Variants in GPRIN3 observed in about 807,000 individuals in gnomAD.
The protein encoded by GPRIN3 is GPRIN family member 3, also known as G protein-regulated inducer of neurite outgrowth 3.
GPRIN3 carries 12 observed loss-of-function variants against 13.7 expected under a neutral mutation model. The observed-to-expected ratio is 0.87, with a 90% CI of 0.56 to 1.42. The LOEUF (loss-of-function observed/expected upper bound fraction) is 1.42, where lower values mean the gene tolerates loss of function less well. Ranked by LOEUF, GPRIN3 falls within the 40% of genes most tolerant of loss-of-function variation. The pLI, the probability that GPRIN3 is intolerant of heterozygous loss-of-function variation, is 0.00. For synonymous variants in GPRIN3, 377 were observed against 372.7 expected, an observed-to-expected ratio of 1.01 and a Z score of -0.13; for missense variants, 1,009 against 958.7, an observed-to-expected ratio of 1.05 and a Z score of -0.69.
At chr4:89,282,672 G>A (rs575576642) in intron 1 of GPRIN3, among the ~76,000 whole-genome samples, 12 of 149,308 alleles carry the variant, frequency 8.0e-5, no homozygotes, top group African/African-American at 2.2e-4. Context: ...TTATTCCAGC[G>A]TGACCCAGGG....
chr4:89,272,362 C>T (rs1014881069), intron 1 of GPRIN3, among the ~76,000 whole-genome samples: 1 of 152,160 alleles, frequency 6.6e-6, no homozygotes, highest in African/African-American at 2.4e-5. Flanking sequence ...ATCATGCCTA[C>T]CATACCACAT....
chr4:89,285,218 G>C, intron 1 of GPRIN3, among the ~76,000 whole-genome samples: 2 of 151,530 alleles, frequency 1.3e-5, no homozygotes, highest in Admixed American at 6.6e-5. Context: ...GGGTCAGGGG[G>C]CGGGGGAGGG....
chr4:89,250,205 GT>G lies in GPRIN3; in HGVS notation c.-96del. ...AGTCAGAGCTCAGAGTGATGACACA[GT>G]CAGGGATGATTCCTCTGAAGAACCA... On this transcript the variant is annotated 5_prime_UTR_variant, in exon 2 of 2. It removes the in-frame stop codon of an upstream open reading frame in the 5' UTR. Transcript: ENST00000609438. The G allele has an allele frequency of 6.6e-7, 1 of 1,514,042 alleles. No homozygotes were observed. The highest frequency in any genetic ancestry group is 2.3e-5 in the East Asian group (1 of 43,862). The allele number at this position is 1,514,042 out of a possible 1,614,324, so 93.8% of individuals were successfully genotyped here. A position where few individuals can be genotyped will look rare whatever the true frequency, so the allele number is the denominator to read the frequency against.
chr4:89,273,118 C>G (rs1262252931), intron 1 of GPRIN3, among the ~76,000 whole-genome samples: 2 of 152,128 alleles, frequency 1.3e-5, no homozygotes, highest in African/African-American at 2.4e-5. Context: ...ATTTAGTAAA[C>G]TTGTTCCCAA....
Position 89,249,407 on chromosome 4 carries a change from C to T in GPRIN3, c.704G>A (p.Cys235Tyr), listed in dbSNP as rs1157451508. 5 of 1,614,164 alleles carry T rather than the reference C, an allele frequency of 3.1e-6. No homozygotes were observed. The highest frequency in any genetic ancestry group is 3.4e-6 in the Non-Finnish European group (4 of 1,180,028). The change falls in exon 2 of 2, where the codon TGT becomes TAT. Residue 235 changes from cysteine to tyrosine, a missense_variant. Physicochemically the swap from Cys to Tyr is radical, Grantham distance 194. Transcript: ENST00000609438. Reference sequence around the variant, plus strand: ...TCCAGATTCTCTAGTTAGAGGTTTACAGGACCTCATTTCAGAGTCACAGAT... The same window carrying T: ...TCCAGATTCTCTAGTTAGAGGTTTATAGGACCTCATTTCAGAGTCACAGAT... ...GAICDSEMRS[C>Y]KPLTRESGCS...
intron 1 of GPRIN3, among the ~76,000 whole-genome samples, chr4:89,265,615 T>C (rs902953664): frequency 4.6e-5 from 7 of 152,324 alleles, no homozygotes; most frequent in African/African-American, 1.4e-4. Flanking sequence ...TGCGGACTAC[T>C]ATGCTTTAGA....
chr4:89,299,431 G>A (rs900131058), intron 1 of GPRIN3, among the ~76,000 whole-genome samples: 1 of 152,088 alleles, frequency 6.6e-6, no homozygotes, highest in African/African-American at 2.4e-5. Context: ...AGTTGACAAG[G>A]CATGAGAGAT....
intron 1 of GPRIN3, among the ~76,000 whole-genome samples, chr4:89,251,728 A>G (rs897376101): frequency 3.9e-5 from 6 of 152,206 alleles, no homozygotes; most frequent in Admixed American, 3.9e-4. Flanking sequence ...TTGTAAAACA[A>G]TGACCTAAAA....
chr4:89,269,360 A>G (rs1463908215), intron 1 of GPRIN3, among the ~76,000 whole-genome samples: 3 of 152,264 alleles, frequency 2.0e-5, no homozygotes, highest in South Asian at 2.1e-4. Flanking sequence ...TCACCATGGT[A>G]GTATATTACT....
At chr4:89,290,904 C>T (rs1171095097) in intron 1 of GPRIN3, among the ~76,000 whole-genome samples, 3 of 152,186 alleles carry the variant, frequency 2.0e-5, no homozygotes, top group African/African-American at 7.2e-5. Flanking sequence ...TACTCCCACA[C>T]ACGCTCACCA....
In GPRIN3 at chr4:89,287,464, G is replaced by GC. The variant is rs572826605; in HGVS notation, c.-124+20150_-124+20151insG. On this transcript the variant is annotated intron_variant, in intron 1 of 1. Coordinates refer to ENST00000609438, the MANE Select transcript of GPRIN3 (RefSeq NM_198281.3). Reference sequence around the variant, plus strand: ...TAGCACAGGATAAATATTCGAGTTGGGTTTTAAAAGCTGAGCCTTTGGGCA... The same window carrying GC: ...TAGCACAGGATAAATATTCGAGTTGGCGTTTTAAAAGCTGAGCCTTTGGGCA... 1.9e-4 allele frequency among the ~76,000 whole-genome samples: 29 copies of GC among 152,262 alleles called. No individual in the cohort carries two copies. In the East Asian group the frequency reaches 5.6e-3, roughly 29 times the overall value.
At chr4:89,281,080 T>C (rs1449542932) in intron 1 of GPRIN3, among the ~76,000 whole-genome samples, 1 of 151,434 alleles carries the variant, frequency 6.6e-6, no homozygotes, top group Non-Finnish European at 1.5e-5. Flanking sequence ...GCACATCACA[T>C]AGCCAGAGTA....
intron 1 of GPRIN3, among the ~76,000 whole-genome samples, chr4:89,307,300 C>T (rs1309445426): frequency 6.7e-6 from 1 of 150,144 alleles, no homozygotes; most frequent in Non-Finnish European, 1.5e-5. Context: ...CACACACACC[C>T]CTCATATTCG....
chr4:89,275,614 G>A (rs1329741613), intron 1 of GPRIN3, among the ~76,000 whole-genome samples: 2 of 152,148 alleles, frequency 1.3e-5, no homozygotes, highest in Non-Finnish European at 2.9e-5. Flanking sequence ...GATAATAATT[G>A]CATACACTCT....
chr4:89,304,895 T>C lies in GPRIN3; in HGVS notation c.-124+2720A>G, dbSNP rs185323535. On this transcript the variant is annotated intron_variant, in intron 1 of 1. Transcript: ENST00000609438. ...TAATATGCAAAGTAGGTGGTAGACA[T>C]TTGTAGATGAAATATTTGAGCCAAA... 3.7e-3 allele frequency among the ~76,000 whole-genome samples: 571 copies of C among 152,330 alleles called. 4 individuals are homozygous for C. Among genetic ancestry groups the C allele is most frequent in the African/African-American group, 0.013 (534 of 41,576 alleles).
chr4:89,301,243 G>A lies in GPRIN3; in HGVS notation c.-124+6372C>T, dbSNP rs1439013519. Among the ~76,000 whole-genome samples, 6 of 152,110 alleles carry A rather than the reference G, an allele frequency of 3.9e-5. No homozygotes were observed. In the South Asian group the frequency reaches 6.2e-4, roughly 16 times the overall value. On this transcript the variant is annotated intron_variant, in intron 1 of 1. Coordinates refer to ENST00000609438, the MANE Select transcript of GPRIN3 (RefSeq NM_198281.3). ...ACTCACAGTGAGTCAAATGTCTTTT[G>A]CATTTTTGAACAACAATTTTAAAAA...
In GPRIN3 at chr4:89,279,618, T is replaced by C. The variant is rs188238907; in HGVS notation, c.-124+27997A>G. On this transcript the variant is annotated intron_variant, in intron 1 of 1. Transcript: ENST00000609438. ...AAACTGCCCTTGCTCAAGCCACAAA[T>C]CACTGGACTTGGCCAAAACAAATGA... Among the ~76,000 whole-genome samples the C allele has an allele frequency of 2.0e-5, 3 of 152,354 alleles. No homozygotes were observed. The East Asian group carries it at 5.8e-4, about 29-fold the overall frequency.
intron 1 of GPRIN3, among the ~76,000 whole-genome samples, chr4:89,297,544 CCA>C (rs1724772761): frequency 6.6e-6 from 1 of 152,150 alleles, no homozygotes; most frequent in African/African-American, 2.4e-5. Flanking sequence ...CCCTACACCA[CCA>C]GTCTCTGCGC....
chr4:89,273,317 C>A (rs1397250079), intron 1 of GPRIN3, among the ~76,000 whole-genome samples: 1 of 152,176 alleles, frequency 6.6e-6, no homozygotes, highest in Non-Finnish European at 1.5e-5. Flanking sequence ...AATCTGGAGT[C>A]AAACAGATTT....
Sources: gnomAD v4.1 joint callset for allele counts (sites outside exome capture counted in the v4.1 genomes callset) on GRCh38, gnomAD v4.1.1 for gene constraint, MANE v1.5 for transcripts, NCBI Gene and HGNC (gene_info 2026-07-23, HGNC 2026-07-21) for gene names.